Variants in NKAIN3 observed in about 807,000 individuals in gnomAD.
NKAIN3 encodes the protein sodium/potassium transporting ATPase interacting 3.
In NKAIN3, 25 loss-of-function variants were observed where a neutral mutation model predicts 30.2. The ratio of observed to expected loss-of-function variants is 0.83; its 90% confidence interval spans 0.60 to 1.16. The LOEUF (loss-of-function observed/expected upper bound fraction) is 1.16, where lower values mean the gene tolerates loss of function less well. Among genes scored for constraint, NKAIN3 ranks in the 50% most tolerant of loss-of-function variants. The probability of loss-of-function intolerance (pLI) is 0.00; values close to 1 mark genes in which losing one functional copy is unlikely to be tolerated. For synonymous variants in NKAIN3, 91 were observed against 89.6 expected, an observed-to-expected ratio of 1.02 and a Z score of -0.09; for missense variants, 225 against 254.1, an observed-to-expected ratio of 0.89 and a Z score of 0.78.
At chr8:62,570,626 C>T (rs1219960299) in intron 1 of NKAIN3, among the ~76,000 whole-genome samples, 1 of 152,044 alleles carries the variant, frequency 6.6e-6, no homozygotes, top group African/African-American at 2.4e-5. Context: ...AGACTCGCCC[C>T]CGTGATTCAA....
chr8:62,385,437 T>C (rs1817399082), intron 1 of NKAIN3, among the ~76,000 whole-genome samples: 1 of 152,186 alleles, frequency 6.6e-6, no homozygotes, highest in Admixed American at 6.5e-5. Flanking sequence ...AGATCCAGTA[T>C]TTAAATAATC....
In NKAIN3 at chr8:62,521,123, A is replaced by G. The variant is rs116361658; in HGVS notation, c.55-58416A>G. 7.7e-3 allele frequency among the ~76,000 whole-genome samples: 1,164 copies of G among 151,944 alleles called. 13 individuals are homozygous for G. Among genetic ancestry groups the G allele is most frequent in the African/African-American group, 0.027 (1,114 of 41,466 alleles). On this transcript the variant is annotated intron_variant, in intron 1 of 6. Coordinates refer to ENST00000623646, the MANE Select transcript of NKAIN3 (RefSeq NM_001304533.3). Reference sequence around the variant, plus strand: ...CATGAGAACTGTGTCCCTGGAGCACATTGAAATTAGGGCAAATGTGCCTCT... The same window carrying G: ...CATGAGAACTGTGTCCCTGGAGCACGTTGAAATTAGGGCAAATGTGCCTCT...
At chr8:62,899,099 T>C (rs1821523162) in intron 4 of NKAIN3, among the ~76,000 whole-genome samples, 1 of 152,148 alleles carries the variant, frequency 6.6e-6, no homozygotes, top group Admixed American at 6.5e-5. Flanking sequence ...GGCAAGTATT[T>C]GGAGAAAAGG....
chr8:62,757,971 A>G (rs1816509581), intron 4 of NKAIN3, among the ~76,000 whole-genome samples: 1 of 152,172 alleles, frequency 6.6e-6, no homozygotes, highest in South Asian at 2.1e-4. Context: ...TGCAGGGTGG[A>G]TCAGATATGC....
At chr8:62,905,948 A>T (rs925729539) in intron 4 of NKAIN3, among the ~76,000 whole-genome samples, 1 of 152,144 alleles carries the variant, frequency 6.6e-6, no homozygotes, top group Non-Finnish European at 1.5e-5. Flanking sequence ...TTTACCTGAG[A>T]ATTTCTCAGC....
intron 1 of NKAIN3, among the ~76,000 whole-genome samples, chr8:62,333,815 G>A (rs1035736604): frequency 6.6e-6 from 1 of 152,040 alleles, no homozygotes; most frequent in African/African-American, 2.4e-5. Context: ...AAATTTACAA[G>A]TCGCATTTTG....
chr8:62,605,674 G>C (rs1009216387), intron 3 of NKAIN3, among the ~76,000 whole-genome samples: 1 of 151,950 alleles, frequency 6.6e-6, no homozygotes, highest in Non-Finnish European at 1.5e-5. Context: ...TATTTACATA[G>C]TATTTACACT....
At chr8:62,343,599 C>T (rs1299137926) in intron 1 of NKAIN3, among the ~76,000 whole-genome samples, 2 of 151,854 alleles carry the variant, frequency 1.3e-5, no homozygotes, top group Non-Finnish European at 1.5e-5. Flanking sequence ...TCCTCTAGGC[C>T]AGGAGTTTGA....
intron 1 of NKAIN3, among the ~76,000 whole-genome samples, chr8:62,342,952 ATACT>A (rs891986006): frequency 4.1e-4 from 62 of 152,214 alleles, no homozygotes; most frequent in African/African-American, 1.4e-3. Flanking sequence ...TGGGAATATC[ATACT>A]TACAGGAAGC....
intron 3 of NKAIN3, among the ~76,000 whole-genome samples, chr8:62,729,020 AAACC>A (rs1563534795): frequency 1.1e-5 from 1 of 90,408 alleles, no homozygotes; most frequent in African/African-American, 4.4e-5. Context: ...CAAAACAAAC[AAACC>A]AAAAAAAAAA....
chr8:62,822,541 T>G (rs570919860), intron 4 of NKAIN3, among the ~76,000 whole-genome samples: 1 of 152,248 alleles, frequency 6.6e-6, no homozygotes, highest in African/African-American at 2.4e-5. Flanking sequence ...GTAAGGACAA[T>G]ACAAGGAACA....
intron 1 of NKAIN3, among the ~76,000 whole-genome samples, chr8:62,250,742 A>G (rs760131691): frequency 1.1e-4 from 17 of 152,228 alleles, no homozygotes; most frequent in Non-Finnish European, 2.2e-4. Context: ...GATTTCATCC[A>G]TCAGCCAAGC....
chr8:62,316,933 A>G (rs1360125411), intron 1 of NKAIN3, among the ~76,000 whole-genome samples: 2 of 152,068 alleles, frequency 1.3e-5, no homozygotes, highest in African/African-American at 2.4e-5. Flanking sequence ...CCTTTCCAGC[A>G]CCTGTTGTTT....
intron 1 of NKAIN3, among the ~76,000 whole-genome samples, chr8:62,455,649 C>T (rs1805791080): frequency 6.6e-6 from 1 of 152,182 alleles, no homozygotes; most frequent in Non-Finnish European, 1.5e-5. Flanking sequence ...TACACTTGTA[C>T]TTGTACCCCC....
chr8:62,286,204 G>A (rs1813374685), intron 1 of NKAIN3, among the ~76,000 whole-genome samples: 1 of 152,034 alleles, frequency 6.6e-6, no homozygotes, highest in African/African-American at 2.4e-5. Flanking sequence ...CTTAAATTCA[G>A]GACACTAACC....
chr8:62,364,375 T>C (rs1412954117), intron 1 of NKAIN3, among the ~76,000 whole-genome samples: 2 of 108,654 alleles, frequency 1.8e-5, no homozygotes, highest in Admixed American at 1.1e-4. Context: ...GGAAAGTTTA[T>C]GTAATTATGA....
intron 1 of NKAIN3, among the ~76,000 whole-genome samples, chr8:62,335,557 A>G (rs1426070753): frequency 6.6e-6 from 1 of 151,872 alleles, no homozygotes; most frequent in Non-Finnish European, 1.5e-5. Context: ...CTTTGTGTAT[A>G]TTTTCTCTCC....
At chr8:62,735,370 CTTTCTTTCTTTTTTT>C (rs1683351744) in intron 3 of NKAIN3, among the ~76,000 whole-genome samples, 1 of 26,266 alleles carries the variant, frequency 3.8e-5, no homozygotes, top group African/African-American at 5.1e-5. Flanking sequence ...TTCTTTCTTT[CTTTCTTTCTTTTTTT>C]TTTTTTTTTG....
At chr8:62,956,171 G>C (rs1018712146) in intron 6 of NKAIN3, among the ~76,000 whole-genome samples, 1 of 152,002 alleles carries the variant, frequency 6.6e-6, no homozygotes, top group Non-Finnish European at 1.5e-5. Context: ...TAATAAGCCC[G>C]TTATATTGAA....
Sources: allele counts gnomAD v4.1 joint callset (sites outside exome capture counted in the v4.1 genomes callset), GRCh38; gene constraint gnomAD v4.1.1; transcripts MANE v1.5; gene names NCBI Gene and HGNC (gene_info 2026-07-23, HGNC 2026-07-21).